Variants in TCTN1 observed in about 807,000 individuals in gnomAD.
TCTN1 encodes tectonic family member 1.
In TCTN1, 58 loss-of-function variants were observed where a neutral mutation model predicts 65.8. That is an observed-to-expected ratio of 0.88 (90% CI 0.71 to 1.10). The LOEUF is 1.10. Among genes scored for constraint, TCTN1 ranks in the 50% least tolerant of loss-of-function variants. The probability of loss-of-function intolerance (pLI) is 0.00; values close to 1 mark genes in which losing one functional copy is unlikely to be tolerated. For synonymous variants in TCTN1, 273 were observed against 289.1 expected (o/e 0.94, Z 0.57); for missense variants, 645 against 719.4 (o/e 0.90, Z 1.18).
intron 3 of TCTN1, among the ~76,000 whole-genome samples, chr12:110,626,939 G>A (rs2065890568): frequency 1.3e-5 from 2 of 149,706 alleles, no homozygotes; most frequent in Admixed American, 1.3e-4. Flanking sequence ...TGCCTGGCCA[G>A]TTTTGTATTT....
chr12:110,640,298 G>A lies in TCTN1; in HGVS notation c.844-85G>A. On this transcript the variant is annotated intron_variant, in intron 7 of 14. Coordinates refer to ENST00000397659, the MANE Select transcript of TCTN1 (RefSeq NM_001082538.3). The surrounding 1 kb of genome is among the most constrained non-coding windows in gnomAD (Gnocchi z 4.9). Reference sequence around the variant, plus strand: ...TCCCCCTACTTGGCCATATATCAGGGGAGGTTTCTTTCCAGTTGGTTGGTT... The same window carrying A: ...TCCCCCTACTTGGCCATATATCAGGAGAGGTTTCTTTCCAGTTGGTTGGTT... 3 of 1,564,174 alleles carry A rather than the reference G, an allele frequency of 1.9e-6. No individual in the cohort carries two copies. Among genetic ancestry groups the A allele is most frequent in the South Asian group, 1.1e-5 (1 of 88,618 alleles).
intron 2 of TCTN1, among the ~76,000 whole-genome samples, chr12:110,620,782 A>C (rs111522234): frequency 6.6e-5 from 10 of 150,712 alleles, no homozygotes; most frequent in African/African-American, 2.4e-4. Context: ...GTTCTGAATG[A>C]TCTCTTATAA....
chr12:110,630,274 G>C (rs2066148862), intron 4 of TCTN1: 1 of 152,194 alleles, frequency 6.6e-6, no homozygotes, highest in African/African-American at 2.4e-5. Flanking sequence ...ATTTAAGGTT[G>C]TTTATTCTGT....
intron 11 of TCTN1, among the ~76,000 whole-genome samples, chr12:110,642,599 G>A (rs1414516790): frequency 2.0e-5 from 3 of 152,086 alleles, no homozygotes; most frequent in South Asian, 4.1e-4. Flanking sequence ...GGCTTTGTAT[G>A]TTTCTTTTTC....
chr12:110,638,820 T>C (rs1189390317), intron 7 of TCTN1, among the ~76,000 whole-genome samples: 5 of 152,216 alleles, frequency 3.3e-5, no homozygotes, highest in African/African-American at 1.2e-4. Flanking sequence ...GGGGCCACTA[T>C]GCTCAGAGTA....
intron 14 of TCTN1, among the ~76,000 whole-genome samples, chr12:110,648,215 C>T (rs1358743145): frequency 6.6e-6 from 1 of 152,186 alleles, no homozygotes; most frequent in Non-Finnish European, 1.5e-5. Flanking sequence ...AGGTGCTCCT[C>T]CTGCCTCGGC....
intron 12 of TCTN1, chr12:110,645,417 C>A: frequency 2.3e-6 from 1 of 432,844 alleles, no homozygotes; most frequent in African/African-American, 2.0e-5. Context: ...ATTTATGTGG[C>A]CCTGGGCATG....
intron 2 of TCTN1, among the ~76,000 whole-genome samples, chr12:110,624,601 GGAGA>G (rs1159934394): frequency 2.1e-5 from 3 of 143,488 alleles, no homozygotes; most frequent in Non-Finnish European, 3.1e-5. Context: ...TTTTTTTTTG[GGAGA>G]GAGAGTCTCA....
At chr12:110,636,418 A>G (rs1411947370) in intron 6 of TCTN1, 63 bp from the exon 7 acceptor site, 3 of 1,119,880 alleles carry the variant, frequency 2.7e-6, no homozygotes, top group Non-Finnish European at 4.0e-6. Flanking sequence ...GATCTGAAAA[A>G]GCAATGAAAA....
rs141019494 is a variant in TCTN1 at position 110,621,327 on chromosome 12, A to G, written c.341+1371A>G. On this transcript the variant is annotated intron_variant, in intron 2 of 14. Coordinates refer to ENST00000397659, the MANE Select transcript of TCTN1 (RefSeq NM_001082538.3). Reference sequence around the variant, plus strand: ...TGAGCCTATTTCTAGTATTGTAAAAATGCTCAGAGAACAGGGCAATGTAGT... The same window carrying G: ...TGAGCCTATTTCTAGTATTGTAAAAGTGCTCAGAGAACAGGGCAATGTAGT... Among the ~76,000 whole-genome samples the G allele has an allele frequency of 1.3e-4, 20 of 152,322 alleles. No homozygotes were observed. In the East Asian group the frequency reaches 1.9e-3, roughly 15 times the overall value.
At position 110,619,817 on chromosome 12, in the gene TCTN1, AC is replaced by A. The variant is rs746801646; in HGVS notation, c.221-15del. The A allele has an allele frequency of 1.2e-6, 2 of 1,613,802 alleles. No homozygotes were observed. The highest frequency in any genetic ancestry group is 1.7e-6 in the Non-Finnish European group (2 of 1,179,962). The stretch of plus-strand genomic sequence containing the variant: ...TGCTGATGGTGATGTTCTGGATCCT[AC>A]CCCTCTTTTTTCTGCAGTTGCTGTT... On this transcript the variant is annotated intron_variant, in intron 1 of 14. Transcript: ENST00000397659.
chr12:110,615,258 A>T (rs2064955763), intron 1 of TCTN1, among the ~76,000 whole-genome samples: 1 of 152,148 alleles, frequency 6.6e-6, no homozygotes, highest in Non-Finnish European at 1.5e-5. Flanking sequence ...GCGACAGAGC[A>T]AGACTGTCTC....
rs547577363 is a variant in TCTN1, at chr12:110,629,243, A to G, written c.624+325A>G. 69 of 446,114 alleles carry G rather than the reference A, an allele frequency of 1.5e-4. 1 individual carries two copies. The highest frequency in any genetic ancestry group is 2.3e-4 in the Non-Finnish European group (57 of 252,830). The allele number at this position is 446,114 out of a possible 1,614,324, so 27.6% of individuals were successfully genotyped here. On this transcript the variant is annotated intron_variant, in intron 4 of 14. Coordinates refer to ENST00000397659, the MANE Select transcript of TCTN1 (RefSeq NM_001082538.3). ...ATGGCAACAAAAGCCAAAATTGACA[A>G]ATGGGATCTAATTAAACTAAAGAGC...
chr12:110,647,792 T>C lies in TCTN1; in HGVS notation c.1679T>C (p.Val560Ala), dbSNP rs765240282. 1.1e-5 allele frequency: 18 copies of C among 1,614,088 alleles called. No homozygotes were observed. The highest frequency in any genetic ancestry group is 3.3e-5 in the Admixed American group (2 of 59,992). The change falls in exon 14 of 15, where the codon GTT (valine) becomes GCT (alanine). Residue 560 changes from valine to alanine, a missense_variant. Physicochemically the swap from Val to Ala is moderately conservative, Grantham distance 64. Coordinates refer to ENST00000397659, the MANE Select transcript of TCTN1 (RefSeq NM_001082538.3). ...AGGACGATTCTTATTTCCACTGCGG[T>C]TACTTTTGTGGATGTGTCTGCACCT... ...NERTILISTA[V>A]TFVDVSAPAE...
chr12:110,649,204 A>G lies in TCTN1; in HGVS notation c.*163A>G, dbSNP rs2067661578. 1.5e-6 allele frequency: 1 copy of G among 682,294 alleles called. No homozygotes were observed. The highest frequency in any genetic ancestry group is 2.7e-6 in the Non-Finnish European group (1 of 375,786). 42.3% of individuals were successfully genotyped at this position (682,294 alleles called of 1,614,324 possible). A position where few individuals can be genotyped will look rare whatever the true frequency, so the allele number is the denominator to read the frequency against. On this transcript the variant is annotated 3_prime_UTR_variant, in exon 15 of 15. Coordinates refer to ENST00000397659, the MANE Select transcript of TCTN1 (RefSeq NM_001082538.3). ...TGAGAAAATGTGATACATTTGATAC[A>G]GTGTGGGGTGGGAGTGGATGGGCAG...
At chr12:110,628,409 C>T (rs1430921210) in intron 3 of TCTN1, among the ~76,000 whole-genome samples, 2 of 150,244 alleles carry the variant, frequency 1.3e-5, no homozygotes, top group East Asian at 1.9e-4. Context: ...GGCGCTATCT[C>T]AGCTCACTGC....
At chr12:110,638,136 C>G (rs534963129) in intron 7 of TCTN1, among the ~76,000 whole-genome samples, 6 of 152,216 alleles carry the variant, frequency 3.9e-5, no homozygotes, top group African/African-American at 1.4e-4. Flanking sequence ...AGTGGCAGAG[C>G]TGGGACAGGG....
chr12:110,634,637 T>A (rs1487646719), intron 5 of TCTN1, 33 bp from the exon 6 acceptor site: 2 of 1,540,472 alleles, frequency 1.3e-6, no homozygotes, highest in African/African-American at 2.7e-5. Context: ...TCTTTTGTAT[T>A]TTTTTTTCCT....
Position 110,644,655 on chromosome 12 carries a change from G to T in TCTN1, c.1332-312G>T, listed in dbSNP as rs2067180245. 5.4e-6 allele frequency: 2 copies of T among 369,448 alleles called. No homozygotes were observed. Among genetic ancestry groups the T allele is most frequent in the Non-Finnish European group, 1.0e-5 (2 of 192,784 alleles). The allele number at this position is 369,448 out of a possible 1,614,324, so 22.9% of individuals were successfully genotyped here. ...ATTGCCTCACTGTACTCCAGCCTGG[G>T]CAACAGAGCAAACTCCATCTCAAAA... On this transcript the variant is annotated intron_variant, in intron 11 of 14. Transcript: ENST00000397659. The surrounding 1 kb of genome is among the most constrained non-coding windows in gnomAD (Gnocchi z 4.6).
Sources: allele counts gnomAD v4.1 joint callset (sites outside exome capture counted in the v4.1 genomes callset), GRCh38; gene constraint gnomAD v4.1.1; non-coding constraint Gnocchi (gnomAD v3.1); transcripts MANE v1.5; gene names NCBI Gene and HGNC (gene_info 2026-07-23, HGNC 2026-07-21).